Variants in PRKCA observed in about 807,000 individuals in gnomAD.
The protein encoded by PRKCA is protein kinase C alpha type.
In PRKCA, 27 loss-of-function variants were observed where a neutral mutation model predicts 87.0. The observed-to-expected ratio is 0.31, with a 90% CI of 0.23 to 0.43. The LOEUF (loss-of-function observed/expected upper bound fraction) is 0.43. PRKCA is among the 20% of genes least tolerant of loss of function. The pLI is 1.00. For synonymous variants in PRKCA, 329 were observed against 311.1 expected, an observed-to-expected ratio of 1.06 and a Z score of -0.61; for missense variants, 518 against 852.3, an observed-to-expected ratio of 0.61 and a Z score of 4.88.
intron 2 of PRKCA, among the ~76,000 whole-genome samples, chr17:66,383,210 T>G (rs563942029): frequency 1.3e-5 from 2 of 152,360 alleles, no homozygotes; most frequent in African/African-American, 4.8e-5. Context: ...TAGTTATTTC[T>G]TAAGGGTAGT....
intron 3 of PRKCA, among the ~76,000 whole-genome samples, chr17:66,628,863 C>T (rs556256771): frequency 3.9e-5 from 6 of 152,150 alleles, no homozygotes; most frequent in East Asian, 3.9e-4. Context: ...CCCGTCTCTA[C>T]TAAAAATACA....
intron 14 of PRKCA, chr17:66,777,903 C>T: frequency 4.1e-6 from 4 of 985,396 alleles, no homozygotes; most frequent in Non-Finnish European, 4.8e-6. Flanking sequence ...TCTCCCCTCT[C>T]CAAGCCTTCC....
chr17:66,377,494 T>TGTATACGTGTATATATATACAC (rs1374439652), intron 2 of PRKCA, among the ~76,000 whole-genome samples: 8 of 149,290 alleles, frequency 5.4e-5, no homozygotes, highest in African/African-American at 2.0e-4. Flanking sequence ...TATATATACA[T>TGTATACGTGTATATATATACAC]GTATACATGT....
At chr17:66,776,374 G>T (rs1363287407) in intron 14 of PRKCA, among the ~76,000 whole-genome samples, 1 of 152,042 alleles carries the variant, frequency 6.6e-6, no homozygotes, top group Non-Finnish European at 1.5e-5. Context: ...TCGGTGGCGC[G>T]ATCTCAGCTC....
intron 13 of PRKCA, among the ~76,000 whole-genome samples, chr17:66,744,246 C>G (rs750822356): frequency 2.6e-5 from 4 of 152,120 alleles, no homozygotes; most frequent in Admixed American, 1.3e-4. Flanking sequence ...TTAGTACCTA[C>G]AGACATGAGG....
intron 2 of PRKCA, among the ~76,000 whole-genome samples, chr17:66,347,807 A>G (rs142982777): frequency 6.6e-6 from 1 of 152,220 alleles, no homozygotes; most frequent in Non-Finnish European, 1.5e-5. Context: ...AGTCTAAGCA[A>G]CCATATTGTA....
At chr17:66,778,081 C>A in intron 14 of PRKCA, 1 of 985,442 alleles carries the variant, frequency 1.0e-6, no homozygotes. Context: ...ACTAAGCTCA[C>A]GCCCCCTGGA....
intron 3 of PRKCA, among the ~76,000 whole-genome samples, chr17:66,545,416 G>A (rs1045602361): frequency 7.9e-5 from 12 of 152,122 alleles, no homozygotes; most frequent in African/African-American, 2.2e-4. Context: ...GCGACAGAGC[G>A]AGACTCTGTC....
chr17:66,565,724 T>A (rs1360530270), intron 3 of PRKCA, among the ~76,000 whole-genome samples: 1 of 151,908 alleles, frequency 6.6e-6, no homozygotes, highest in African/African-American at 2.4e-5. Context: ...GGTGTTATCT[T>A]TTTCTGTTCC....
At chr17:66,305,007 T>C (rs557534863) in intron 1 of PRKCA, among the ~76,000 whole-genome samples, 1 of 152,244 alleles carries the variant, frequency 6.6e-6, no homozygotes, top group Non-Finnish European at 1.5e-5. Flanking sequence ...TCAGTTGCCC[T>C]TGAAGGATCA....
intron 14 of PRKCA, among the ~76,000 whole-genome samples, chr17:66,782,042 T>C (rs1975247267): frequency 6.6e-6 from 1 of 151,808 alleles, no homozygotes; most frequent in African/African-American, 2.4e-5. Context: ...GCCTCCCAGG[T>C]AGCAGGGACT....
chr17:66,493,997 T>G (rs766340345), intron 2 of PRKCA, among the ~76,000 whole-genome samples: 3 of 152,210 alleles, frequency 2.0e-5, no homozygotes, highest in Non-Finnish European at 2.9e-5. Context: ...TCTGTGTTAC[T>G]CTTTGTTCAG....
chr17:66,406,585 G>GTTTTTTTTTTTATTTTTTTTTTTTTTTTT (rs1911401511), intron 2 of PRKCA, among the ~76,000 whole-genome samples: 1 of 70,180 alleles, frequency 1.4e-5, no homozygotes, highest in African/African-American at 4.6e-5. Flanking sequence ...GCTTTTCCAG[G>GTTTTTTTTTTTATTTTTTTTTTTTTTTTT]TTTTTTTTTT....
chr17:66,738,054 T>G (rs1448842316), intron 10 of PRKCA, among the ~76,000 whole-genome samples: 1 of 152,218 alleles, frequency 6.6e-6, no homozygotes, highest in Non-Finnish European at 1.5e-5. Flanking sequence ...AACCCCTCCA[T>G]CTTCCTATCT....
chr17:66,707,570 C>A (rs1973222162), intron 8 of PRKCA, among the ~76,000 whole-genome samples: 1 of 152,146 alleles, frequency 6.6e-6, no homozygotes, highest in Non-Finnish European at 1.5e-5. Context: ...GAAGATGGAC[C>A]AGTTTCTTTC....
At chr17:66,687,538 ATAGAATT>A (rs1402552238) in intron 6 of PRKCA, among the ~76,000 whole-genome samples, 1 of 152,204 alleles carries the variant, frequency 6.6e-6, no homozygotes, top group Non-Finnish European at 1.5e-5. Flanking sequence ...ATTAAGGTAA[ATAGAATT>A]TAAGCTAAAA....
At chr17:66,796,504 G>A (rs138396047) in intron 16 of PRKCA, 122 of 985,344 alleles carry the variant, frequency 1.2e-4, no homozygotes, top group Non-Finnish European at 1.3e-4. Context: ...CGGTGAGCAC[G>A]TTTCCAGAAC....
rs776276360 is a variant in PRKCA at position 66,649,826 on chromosome 17, T to C, written c.529+4315T>C. Among the ~76,000 whole-genome samples the C allele has an allele frequency of 1.1e-3, 167 of 152,046 alleles. 1 individual carries two copies. Among genetic ancestry groups the C allele is most frequent in the Non-Finnish European group, 1.1e-3 (73 of 67,980 alleles). On this transcript the variant is annotated intron_variant, in intron 5 of 16. Transcript: ENST00000413366. ...CAAGTAAAATTAAATACCAAGTACA[T>C]GGTGATGAAATAGCACACCCTTGGG...
At chr17:66,366,723 T>A (rs1282570622) in intron 2 of PRKCA, among the ~76,000 whole-genome samples, 1 of 152,212 alleles carries the variant, frequency 6.6e-6, no homozygotes, top group African/African-American at 2.4e-5. Flanking sequence ...CTCTGTTGGC[T>A]GAATTCCTTG....
Sources: gnomAD v4.1 joint callset for allele counts (sites outside exome capture counted in the v4.1 genomes callset) on GRCh38, gnomAD v4.1.1 for gene constraint, MANE v1.5 for transcripts, NCBI Gene and HGNC (gene_info 2026-07-23, HGNC 2026-07-21) for gene names.